Variants in XKR4 observed in about 807,000 individuals in gnomAD.
XKR4 encodes the protein XK related 4, also known as XK-related protein 4.
Under a neutral mutation model 53.9 loss-of-function variants are expected in XKR4, and 12 were observed. The ratio of observed to expected loss-of-function variants is 0.22; its 90% confidence interval spans 0.14 to 0.36. XKR4 has a LOEUF of 0.36. Among genes scored for constraint, XKR4 ranks in the 10% least tolerant of loss-of-function variants. XKR4 has a pLI of 1.00. For synonymous variants in XKR4, 354 were observed against 362.4 expected (o/e 0.98, Z 0.26); for missense variants, 799 against 859.5 (o/e 0.93, Z 0.88).
At chr8:55,460,647 G>A (rs1012601120) in intron 2 of XKR4, among the ~76,000 whole-genome samples, 5 of 152,120 alleles carry the variant, frequency 3.3e-5, no homozygotes, top group South Asian at 2.1e-4. Context: ...GACAGTGGGC[G>A]CAGCGCACCA....
intron 1 of XKR4, among the ~76,000 whole-genome samples, chr8:55,264,105 C>T (rs77853117): frequency 0.045 from 6,821 of 152,246 alleles, 220 homozygotes; most frequent in Middle Eastern, 0.092. Context: ...CCTTCCATTA[C>T]TAGAATATGC....
intron 1 of XKR4, among the ~76,000 whole-genome samples, chr8:55,344,644 A>G (rs1423733818): frequency 2.0e-5 from 3 of 152,184 alleles, no homozygotes; most frequent in Admixed American, 1.3e-4. Context: ...CAGAAGAATA[A>G]TTTGGGGAGA....
chr8:55,141,708 C>T (rs1057407537), intron 1 of XKR4, among the ~76,000 whole-genome samples: 1 of 136,476 alleles, frequency 7.3e-6, no homozygotes, highest in Non-Finnish European at 1.6e-5. Context: ...TGTGGACTGG[C>T]GTCTTCTGGT....
intron 1 of XKR4, among the ~76,000 whole-genome samples, chr8:55,347,814 T>A (rs770157821): frequency 7.2e-5 from 11 of 152,192 alleles, no homozygotes; most frequent in African/African-American, 9.6e-5. Flanking sequence ...TTAATGATAC[T>A]CTGTGGTAGT....
intron 1 of XKR4, among the ~76,000 whole-genome samples, chr8:55,301,480 G>A (rs1233514431): frequency 6.6e-6 from 1 of 152,022 alleles, no homozygotes; most frequent in Non-Finnish European, 1.5e-5. Flanking sequence ...CTTTATAGCA[G>A]CATGATTTAT....
chr8:55,407,576 C>A (rs568060974), intron 2 of XKR4, among the ~76,000 whole-genome samples: 1 of 152,126 alleles, frequency 6.6e-6, no homozygotes, highest in Admixed American at 6.5e-5. Flanking sequence ...TCAGATGCCC[C>A]GGGCTCAACA....
chr8:55,313,925 T>C (rs1819422475), intron 1 of XKR4, among the ~76,000 whole-genome samples: 1 of 152,246 alleles, frequency 6.6e-6, no homozygotes, highest in South Asian at 2.1e-4. Flanking sequence ...ATTTAAACCC[T>C]GGACACCCAC....
chr8:55,340,455 A>C (rs1171958231), intron 1 of XKR4, among the ~76,000 whole-genome samples: 1 of 152,238 alleles, frequency 6.6e-6, no homozygotes, highest in Non-Finnish European at 1.5e-5. Context: ...CAGCCTAAGG[A>C]GCTTGTAATC....
intron 1 of XKR4, among the ~76,000 whole-genome samples, chr8:55,221,341 C>T (rs1585948257): frequency 6.6e-6 from 1 of 152,142 alleles, no homozygotes; most frequent in Non-Finnish European, 1.5e-5. Flanking sequence ...GATAAAGCAA[C>T]AATAATGACA....
At chr8:55,227,859 T>C (rs1817977362) in intron 1 of XKR4, among the ~76,000 whole-genome samples, 1 of 152,234 alleles carries the variant, frequency 6.6e-6, no homozygotes, top group African/African-American at 2.4e-5. Context: ...TATGAATCCA[T>C]GGCTTTTGTT....
intron 2 of XKR4, among the ~76,000 whole-genome samples, chr8:55,377,882 A>G (rs1041056295): frequency 1.3e-5 from 2 of 152,206 alleles, no homozygotes; most frequent in African/African-American, 4.8e-5. Flanking sequence ...ACCTTGTTTA[A>G]TTTAGTGAGT....
At chr8:55,454,550 T>G in intron 2 of XKR4, 1 of 1,432,494 alleles carries the variant, frequency 7.0e-7, no homozygotes, top group Non-Finnish European at 9.6e-7. Flanking sequence ...CAGCTGCTGA[T>G]GGGCAGGGAG....
intron 2 of XKR4, among the ~76,000 whole-genome samples, chr8:55,410,320 T>C (rs1804757204): frequency 6.6e-6 from 1 of 152,180 alleles, no homozygotes; most frequent in African/African-American, 2.4e-5. Context: ...TTTCCAAGCA[T>C]GTCTGCATGC....
intron 1 of XKR4, among the ~76,000 whole-genome samples, chr8:55,297,324 G>A (rs1352822358): frequency 6.6e-6 from 1 of 152,178 alleles, no homozygotes; most frequent in African/African-American, 2.4e-5. Flanking sequence ...TAAATTTGGC[G>A]ATCAAATTAG....
chr8:55,454,719 G>A (rs754007801), intron 2 of XKR4: 5 of 835,928 alleles, frequency 6.0e-6, no homozygotes, highest in Admixed American at 1.7e-5. Flanking sequence ...AGATGAGGCC[G>A]AGGCTGTTCC....
At chr8:55,464,238 A>G (rs1298431885) in intron 2 of XKR4, among the ~76,000 whole-genome samples, 2 of 152,212 alleles carry the variant, frequency 1.3e-5, no homozygotes, top group South Asian at 4.1e-4. Flanking sequence ...TAAAATACTG[A>G]CAAACCAAAT....
intron 2 of XKR4, among the ~76,000 whole-genome samples, chr8:55,482,050 A>G (rs992527230): frequency 5.3e-4 from 81 of 152,362 alleles, no homozygotes; most frequent in African/African-American, 1.9e-3. Flanking sequence ...TACTGAGTAT[A>G]TACCCAAAGG....
intron 1 of XKR4, among the ~76,000 whole-genome samples, chr8:55,165,641 A>C (rs1362482767): frequency 6.6e-6 from 1 of 151,868 alleles, no homozygotes; most frequent in Non-Finnish European, 1.5e-5. Context: ...AAATTCATGA[A>C]ATAAATACAA....
chr8:55,278,557 C>T (rs1427850784), intron 1 of XKR4, among the ~76,000 whole-genome samples: 1 of 152,080 alleles, frequency 6.6e-6, no homozygotes, highest in Admixed American at 6.5e-5. Context: ...CTTCACTTGA[C>T]TGAGGAAGTA....
Sources: gnomAD v4.1 joint callset for allele counts (sites outside exome capture counted in the v4.1 genomes callset) on GRCh38, gnomAD v4.1.1 for gene constraint, MANE v1.5 for transcripts, NCBI Gene and HGNC (gene_info 2026-07-23, HGNC 2026-07-21) for gene names.